Variants in IGF2BP3 observed in about 807,000 individuals in gnomAD.
IGF2BP3 encodes the protein insulin like growth factor 2 mRNA binding protein 3.
In IGF2BP3, 9 loss-of-function variants were observed where a neutral mutation model predicts 73.8. The observed-to-expected ratio is 0.12, with a 90% CI of 0.07 to 0.21. IGF2BP3 has a LOEUF of 0.21. Ranked by LOEUF, IGF2BP3 falls within the 10% of genes least tolerant of loss-of-function variation. The pLI is 1.00. For synonymous variants in IGF2BP3, 258 were observed against 256.7 expected (o/e 1.01, Z -0.05); for missense variants, 542 against 714.0 (o/e 0.76, Z 2.75).
chr7:23,389,650 A>G (rs190288726), intron 3 of IGF2BP3, among the ~76,000 whole-genome samples: 9 of 152,158 alleles, frequency 5.9e-5, no homozygotes, highest in Admixed American at 5.9e-4. Context: ...GAAGAATATC[A>G]GACATATACA....
intron 2 of IGF2BP3, 39 bp downstream of exon 2, chr7:23,468,443 G>A (rs894723057): frequency 5.6e-6 from 9 of 1,607,370 alleles, no homozygotes; most frequent in East Asian, 2.2e-5. Flanking sequence ...CAATAACGGA[G>A]TGAGAACAGA....
rs137919890 is a variant in IGF2BP3, at chr7:23,469,972, C to T, written c.139G>A (p.Glu47Lys). The change falls in exon 1 of 15, where the codon GAG becomes AAG. Residue 47 changes from glutamate to lysine, a missense_variant. By Grantham distance (56) the Glu-to-Lys change is moderately conservative. Around this residue, in one of 2 missense-constraint regions of IGF2BP3, gnomAD observed 239 missense variants for 241.9 expected, o/e 0.99. Coordinates refer to ENST00000258729, the MANE Select transcript of IGF2BP3 (RefSeq NM_006547.3). The surrounding 1 kb of genome is among the most constrained non-coding windows in gnomAD (Gnocchi z 6.1). Reference protein sequence around the residue: ...TGYAFVDCPDESWALKAIEAL... With the variant: ...TGYAFVDCPDKSWALKAIEAL... ...TCGATGGCCTTGAGGGCCCAGCTCT[C>T]GTCCGGGCAGTCCACGAACGCGTAG... 2.2e-4 allele frequency: 357 copies of T among 1,612,244 alleles called. No homozygotes were observed. The highest frequency in any genetic ancestry group is 2.9e-4 in the Non-Finnish European group (343 of 1,179,674).
intron 5 of IGF2BP3, among the ~76,000 whole-genome samples, chr7:23,360,529 C>A (rs1450121898): frequency 2.0e-5 from 3 of 152,188 alleles, no homozygotes; most frequent in Non-Finnish European, 2.9e-5. Context: ...ATCTTCAAAT[C>A]TTTTATATTT....
intron 2 of IGF2BP3, among the ~76,000 whole-genome samples, chr7:23,446,747 A>G (rs1226347540): frequency 6.6e-6 from 1 of 152,170 alleles, no homozygotes. Context: ...TTCTTATTAC[A>G]AAAGAAAAAA....
chr7:23,464,263 G>A (rs2128552246), intron 2 of IGF2BP3, among the ~76,000 whole-genome samples: 1 of 152,244 alleles, frequency 6.6e-6, no homozygotes, highest in South Asian at 2.1e-4. Flanking sequence ...AAACCCCGAT[G>A]ACTTTTATAA....
intron 2 of IGF2BP3, among the ~76,000 whole-genome samples, chr7:23,434,316 GT>G (rs1480281331): frequency 1.3e-5 from 2 of 152,042 alleles, no homozygotes; most frequent in Admixed American, 6.5e-5. Context: ...GTTTGTTTTT[GT>G]TCGTGGGAAA....
intron 2 of IGF2BP3, among the ~76,000 whole-genome samples, chr7:23,454,358 C>T (rs558983943): frequency 2.5e-4 from 38 of 152,258 alleles, no homozygotes; most frequent in Middle Eastern, 3.4e-3. Flanking sequence ...ATTCACAGTG[C>T]ATAACCCATA....
chr7:23,341,780 GA>G (rs902632151), intron 10 of IGF2BP3, among the ~76,000 whole-genome samples: 1 of 151,342 alleles, frequency 6.6e-6, no homozygotes, highest in African/African-American at 2.4e-5. Context: ...AAAGAAAAAA[GA>G]AAAAAAATTT....
intron 10 of IGF2BP3, among the ~76,000 whole-genome samples, 162 bp downstream of exon 10, chr7:23,341,902 G>A (rs377257923): frequency 2.0e-5 from 3 of 152,128 alleles, no homozygotes; most frequent in South Asian, 4.1e-4. Flanking sequence ...TCCAAAAACT[G>A]CAAAATAATC....
At chr7:23,317,867 C>T in intron 11 of IGF2BP3, 154 bp from the exon 12 acceptor site, 2 of 657,906 alleles carry the variant, frequency 3.0e-6, no homozygotes, top group African/African-American at 3.5e-5. Context: ...CCTGTGGGTT[C>T]ACAATTTAGG....
At chr7:23,417,605 T>G (rs1584020026) in intron 3 of IGF2BP3, among the ~76,000 whole-genome samples, 1 of 152,154 alleles carries the variant, frequency 6.6e-6, no homozygotes, top group African/African-American at 2.4e-5. Flanking sequence ...GAAAGCTACA[T>G]CATACCAGAT....
chr7:23,402,827 C>T (rs1305271026), intron 3 of IGF2BP3: 3 of 152,156 alleles, frequency 2.0e-5, no homozygotes, highest in Non-Finnish European at 4.4e-5. Context: ...AATAACTGGT[C>T]CTTCAACACA....
intron 3 of IGF2BP3, among the ~76,000 whole-genome samples, chr7:23,408,969 G>A (rs1168043423): frequency 7.4e-6 from 1 of 134,870 alleles, no homozygotes; most frequent in Non-Finnish European, 1.6e-5. Flanking sequence ...CGGACAGAGA[G>A]TGGGGATGGG....
intron 10 of IGF2BP3, among the ~76,000 whole-genome samples, chr7:23,331,988 G>C (rs537489626): frequency 6.6e-6 from 1 of 151,896 alleles, no homozygotes; most frequent in Admixed American, 6.6e-5. Context: ...GCAGGAGGGA[G>C]AGAGAGAGAG....
chr7:23,463,232 T>C (rs1055554546), intron 2 of IGF2BP3, among the ~76,000 whole-genome samples: 1 of 152,234 alleles, frequency 6.6e-6, no homozygotes, highest in Non-Finnish European at 1.5e-5. Flanking sequence ...TGGATGCTGC[T>C]GCTAAAAACA....
chr7:23,374,621 G>C (rs986647127), intron 3 of IGF2BP3, among the ~76,000 whole-genome samples: 3 of 152,120 alleles, frequency 2.0e-5, no homozygotes, highest in Non-Finnish European at 4.4e-5. Flanking sequence ...AGGATGCAGT[G>C]AGCTATGATG....
chr7:23,394,503 A>T (rs935402499), intron 3 of IGF2BP3: 1 of 152,244 alleles, frequency 6.6e-6, no homozygotes, highest in Non-Finnish European at 1.5e-5. Context: ...ACAACAAACC[A>T]TGAGAGAAAA....
At chr7:23,465,338 C>T (rs979832463) in intron 2 of IGF2BP3, among the ~76,000 whole-genome samples, 1 of 152,214 alleles carries the variant, frequency 6.6e-6, no homozygotes, top group African/African-American at 2.4e-5. Context: ...ATATCCAATG[C>T]AATCTTCTCT....
At chr7:23,426,828 C>T (rs1196872601) in intron 2 of IGF2BP3, among the ~76,000 whole-genome samples, 2 of 152,150 alleles carry the variant, frequency 1.3e-5, no homozygotes, top group African/African-American at 4.8e-5. Flanking sequence ...ACTGCCTAAA[C>T]CCACTATTTC....
Sources: gnomAD v4.1 joint callset for allele counts (sites outside exome capture counted in the v4.1 genomes callset) on GRCh38, gnomAD v4.1.1 for gene constraint, gnomAD v4.1.1 regional missense constraint, Gnocchi (gnomAD v3.1) non-coding constraint, MANE v1.5 for transcripts, NCBI Gene and HGNC (gene_info 2026-07-23, HGNC 2026-07-21) for gene names.